Variants in EPHA3 observed in about 807,000 individuals in gnomAD.
EPHA3 encodes the protein EPH receptor A3.
Under a neutral mutation model 107.1 loss-of-function variants are expected in EPHA3, and 42 were observed. The observed-to-expected ratio is 0.39, with a 90% CI of 0.31 to 0.51. EPHA3 has a LOEUF of 0.51. EPHA3 is among the 20% of genes least tolerant of loss of function. The pLI is 0.78. For synonymous variants in EPHA3, 461 were observed against 424.8 expected (o/e 1.09, Z -1.05); for missense variants, 1,183 against 1,211.2 (o/e 0.98, Z 0.35).
chr3:89,342,254 C>A (rs958023548), intron 5 of EPHA3, among the ~76,000 whole-genome samples, 164 bp downstream of exon 5: 1 of 152,030 alleles, frequency 6.6e-6, no homozygotes, highest in Non-Finnish European at 1.5e-5. Context: ...TAATTTAATT[C>A]TTCAAGTGAG....
intron 3 of EPHA3, among the ~76,000 whole-genome samples, chr3:89,330,447 A>T (rs140302208): frequency 2.0e-4 from 30 of 152,190 alleles, no homozygotes; most frequent in Admixed American, 5.9e-4. Context: ...TTTAACAATA[A>T]TATTATCACA....
At chr3:89,442,757 C>A (rs1300153853) in intron 13 of EPHA3, among the ~76,000 whole-genome samples, 1 of 152,158 alleles carries the variant, frequency 6.6e-6, no homozygotes, top group African/African-American at 2.4e-5. Context: ...ATAGACTACA[C>A]CATTTGTGAA....
chr3:89,378,115 G>C (rs1231431013), intron 5 of EPHA3, among the ~76,000 whole-genome samples: 1 of 152,044 alleles, frequency 6.6e-6, no homozygotes, highest in Non-Finnish European at 1.5e-5. Flanking sequence ...CCTGTCACAG[G>C]GTGGGGGACT....
Position 89,128,055 on chromosome 3 carries a change from A to G in EPHA3, c.153+782A>G, listed in dbSNP as rs1704129713. ...TGTTTCTAAGTATAGTTTGTGAAAT[A>G]TGTGAAGTACTATTTTGAAATATTT... On this transcript the variant is annotated intron_variant, in intron 2 of 16. Transcript: ENST00000336596. Among the ~76,000 whole-genome samples the G allele has an allele frequency of 3.3e-5, 5 of 152,282 alleles. No homozygotes were observed. The South Asian group carries it at 1.0e-3, about 32-fold the overall frequency.
intron 5 of EPHA3, among the ~76,000 whole-genome samples, chr3:89,364,169 A>G (rs1015493674): frequency 6.6e-6 from 1 of 150,814 alleles, no homozygotes; most frequent in African/African-American, 2.4e-5. Context: ...CCGACCTTTG[A>G]GAGTCATCCC....
chr3:89,401,633 A>C (rs1386875209), intron 7 of EPHA3, among the ~76,000 whole-genome samples: 2 of 151,920 alleles, frequency 1.3e-5, no homozygotes, highest in Non-Finnish European at 2.9e-5. Flanking sequence ...TTTGTGACAA[A>C]ATCCTGCTCT....
At chr3:89,316,508 AT>A (rs1559644330) in intron 3 of EPHA3, among the ~76,000 whole-genome samples, 210 of 62,762 alleles carry the variant, frequency 3.3e-3, no homozygotes, top group African/African-American at 0.015. Context: ...TGTGTGTAAT[AT>A]ATATATATAT....
chr3:89,311,264 C>T lies in EPHA3; in HGVS notation c.815-29652C>T, dbSNP rs76254303. ...ATAAAATGAAAGCATTTAACGTCAACACATTTCCCTTTGTTCTCCTAACTA... is the reference window on the plus strand; with the variant it reads ...ATAAAATGAAAGCATTTAACGTCAATACATTTCCCTTTGTTCTCCTAACTA... On this transcript the variant is annotated intron_variant, in intron 3 of 16. Coordinates refer to ENST00000336596, the MANE Select transcript of EPHA3 (RefSeq NM_005233.6). 4.0e-3 allele frequency among the ~76,000 whole-genome samples: 616 copies of T among 152,116 alleles called. 21 individuals carry two copies. In the East Asian group the frequency reaches 0.084, roughly 21 times the overall value.
At chr3:89,352,628 G>A (rs1707853293) in intron 5 of EPHA3, among the ~76,000 whole-genome samples, 1 of 151,118 alleles carries the variant, frequency 6.6e-6, no homozygotes, top group African/African-American at 2.4e-5. Context: ...ACTAGGCTAG[G>A]TGTGGTGGCT....
At chr3:89,218,887 G>A (rs1030537474) in intron 3 of EPHA3, among the ~76,000 whole-genome samples, 2 of 152,192 alleles carry the variant, frequency 1.3e-5, no homozygotes, top group African/African-American at 4.8e-5. Context: ...TGGTGGGACT[G>A]TAAACTAGTT....
intron 3 of EPHA3, among the ~76,000 whole-genome samples, chr3:89,339,281 G>A (rs1276092423): frequency 6.9e-6 from 1 of 145,690 alleles, no homozygotes; most frequent in Non-Finnish European, 1.5e-5. Flanking sequence ...TGAGGCAGGA[G>A]AATAGCTTGA....
chr3:89,248,162 T>C (rs1705079448), intron 3 of EPHA3, among the ~76,000 whole-genome samples: 1 of 152,190 alleles, frequency 6.6e-6, no homozygotes. Context: ...CAACATCTAC[T>C]GCCTGCACTT....
At chr3:89,441,327 G>T (rs916970637) in intron 13 of EPHA3, among the ~76,000 whole-genome samples, 1 of 152,164 alleles carries the variant, frequency 6.6e-6, no homozygotes, top group African/African-American at 2.4e-5. Context: ...GTTTGAATTG[G>T]AAGTCTTTCT....
chr3:89,291,491 T>G (rs1430239938), intron 3 of EPHA3, among the ~76,000 whole-genome samples: 5 of 152,076 alleles, frequency 3.3e-5, no homozygotes, highest in Non-Finnish European at 7.4e-5. Context: ...ATAAAGAACA[T>G]TTGCTTATGT....
chr3:89,321,380 G>C (rs1707041106), intron 3 of EPHA3, among the ~76,000 whole-genome samples: 1 of 152,034 alleles, frequency 6.6e-6, no homozygotes, highest in South Asian at 2.1e-4. Flanking sequence ...CATGAAAAAT[G>C]CCATTCAATA....
intron 5 of EPHA3, among the ~76,000 whole-genome samples, chr3:89,378,564 C>T (rs917666140): frequency 2.0e-5 from 3 of 152,086 alleles, no homozygotes; most frequent in Non-Finnish European, 2.9e-5. Context: ...AGAATCTTTC[C>T]ACACATTAGG....
intron 2 of EPHA3, among the ~76,000 whole-genome samples, chr3:89,175,122 G>A (rs1268514649): frequency 6.7e-6 from 1 of 149,456 alleles, no homozygotes; most frequent in Non-Finnish European, 1.5e-5. Context: ...GAGGAAATAA[G>A]CATGTGTTGG....
chr3:89,351,457 G>A (rs1486690188), intron 5 of EPHA3, among the ~76,000 whole-genome samples: 4 of 150,460 alleles, frequency 2.7e-5, no homozygotes, highest in African/African-American at 9.7e-5. Flanking sequence ...GTGAGGCAAT[G>A]CCTCGCCCTG....
intron 16 of EPHA3, among the ~76,000 whole-genome samples, chr3:89,478,894 T>C (rs1245752883): frequency 6.6e-6 from 1 of 152,218 alleles, no homozygotes; most frequent in Non-Finnish European, 1.5e-5. Context: ...GAAATCAAGA[T>C]GTTGGCAGTA....
Sources: allele counts gnomAD v4.1 joint callset (sites outside exome capture counted in the v4.1 genomes callset), GRCh38; gene constraint gnomAD v4.1.1; transcripts MANE v1.5; gene names NCBI Gene and HGNC (gene_info 2026-07-23, HGNC 2026-07-21).